Variants in SLC24A2 observed in about 807,000 individuals in gnomAD.
SLC24A2 encodes sodium/potassium/calcium exchanger 2.
Under a neutral mutation model 62.0 loss-of-function variants are expected in SLC24A2, and 36 were observed. The ratio of observed to expected loss-of-function variants is 0.58; its 90% CI spans 0.44 to 0.77. SLC24A2 has a LOEUF of 0.77. Among genes scored for constraint, SLC24A2 ranks in the 30% least tolerant of loss-of-function variants. The pLI is 0.00. For synonymous variants in SLC24A2, 358 were observed against 294.0 expected (o/e 1.22, Z -2.23); for missense variants, 846 against 817.9 (o/e 1.03, Z -0.42).
At chr9:19,795,643 TG>T in the SLC24A2 span, among the ~76,000 whole-genome samples, 1 of 152,186 alleles carries the variant, frequency 6.6e-6, no homozygotes, top group Non-Finnish European at 1.5e-5. Context: ...TTGATTTTTC[TG>T]ATTTTGATGT....
chr9:19,629,133 T>C (rs1191780781), intron 2 of SLC24A2, among the ~76,000 whole-genome samples: 9 of 152,158 alleles, frequency 5.9e-5, no homozygotes, highest in African/African-American at 2.2e-4. Context: ...CTGAAGCTGA[T>C]GGAGTTGGAC....
intron 2 of SLC24A2, among the ~76,000 whole-genome samples, chr9:19,756,814 C>G (rs1377912281): frequency 6.8e-6 from 1 of 146,636 alleles, no homozygotes; most frequent in East Asian, 2.1e-4. Flanking sequence ...AGCAAATGCT[C>G]AAGTTTAGGG....
the SLC24A2 span, among the ~76,000 whole-genome samples, chr9:19,816,486 A>C: frequency 6.6e-6 from 1 of 152,174 alleles, no homozygotes; most frequent in Non-Finnish European, 1.5e-5. Flanking sequence ...GTGGAAGGGG[A>C]CACATTAATT....
chr9:20,147,676 A>T, the SLC24A2 span, among the ~76,000 whole-genome samples: 1 of 152,090 alleles, frequency 6.6e-6, no homozygotes, highest in Admixed American at 6.6e-5. Context: ...AGAAGATCAC[A>T]TTGAGGCTTC....
chr9:19,534,699 T>A (rs1489469242), intron 8 of SLC24A2, among the ~76,000 whole-genome samples: 1 of 152,214 alleles, frequency 6.6e-6, no homozygotes, highest in Admixed American at 6.5e-5. Context: ...CATCCTTTTT[T>A]ATGGCTGCAT....
rs1044357532 is a variant in SLC24A2 at position 19,695,636 on chromosome 9, G to C, written c.931-73337C>G. The stretch of plus-strand genomic sequence containing the variant: ...GAGAAATTCTTGTACATGTCACTAG[G>C]AGAGATGCACAGATTATTCATAGCA... On this transcript the variant is annotated intron_variant, in intron 2 of 10. Coordinates refer to ENST00000341998, the MANE Select transcript of SLC24A2 (RefSeq NM_020344.4). Among the ~76,000 whole-genome samples, 4 of 136,574 alleles carry C rather than the reference G, an allele frequency of 2.9e-5. No individual in the cohort carries two copies. In the South Asian group the frequency reaches 9.1e-4, roughly 31 times the overall value. 89.6% of individuals were successfully genotyped at this position (136,574 alleles called of 152,430 possible). A position where few individuals can be genotyped will look rare whatever the true frequency, so the allele number is the denominator to read the frequency against.
At chr9:20,201,226 C>T in the SLC24A2 span, among the ~76,000 whole-genome samples, 2 of 152,222 alleles carry the variant, frequency 1.3e-5, no homozygotes, top group Non-Finnish European at 2.9e-5. Context: ...TTGCCCCAAA[C>T]TTCATCCCAT....
At chr9:20,164,697 T>A in the SLC24A2 span, among the ~76,000 whole-genome samples, 1 of 151,846 alleles carries the variant, frequency 6.6e-6, no homozygotes, top group Non-Finnish European at 1.5e-5. Flanking sequence ...ATGTTTATTG[T>A]GGCACTATTC....
At chr9:20,052,470 T>C in the SLC24A2 span, among the ~76,000 whole-genome samples, 58 of 152,336 alleles carry the variant, frequency 3.8e-4, no homozygotes, top group African/African-American at 1.4e-3. Flanking sequence ...TGTAAAACTG[T>C]ATTCTTTGAA....
At chr9:19,660,390 T>C (rs930515247) in intron 2 of SLC24A2, among the ~76,000 whole-genome samples, 15 of 152,168 alleles carry the variant, frequency 9.9e-5, no homozygotes, top group African/African-American at 1.9e-4. Flanking sequence ...CACAGGTCAG[T>C]TGTGATTCAG....
the SLC24A2 span, among the ~76,000 whole-genome samples, chr9:20,013,758 A>C: frequency 5.3e-5 from 8 of 152,216 alleles, no homozygotes; most frequent in Admixed American, 2.0e-4. Flanking sequence ...TGATTGAAAA[A>C]TGGGCAAAGG....
At chr9:19,956,324 G>A in the SLC24A2 span, among the ~76,000 whole-genome samples, 3 of 152,340 alleles carry the variant, frequency 2.0e-5, no homozygotes, top group East Asian at 3.9e-4. Flanking sequence ...GCATCAAGAA[G>A]CCTGGGTTTT....
chr9:19,527,944 C>T, intron 9 of SLC24A2, 105 bp downstream of exon 9: 1 of 753,992 alleles, frequency 1.3e-6, no homozygotes, highest in Non-Finnish European at 2.3e-6. Context: ...TGTGTCACAC[C>T]CAATACTGTT....
At chr9:19,962,657 C>G in the SLC24A2 span, among the ~76,000 whole-genome samples, 15 of 152,074 alleles carry the variant, frequency 9.9e-5, no homozygotes, top group African/African-American at 3.6e-4. Flanking sequence ...TGATTTGGCT[C>G]TCTGTCTGTT....
the SLC24A2 span, among the ~76,000 whole-genome samples, chr9:19,867,844 G>T: frequency 6.6e-6 from 1 of 152,096 alleles, no homozygotes; most frequent in South Asian, 2.1e-4. Flanking sequence ...GGAGGCGGAG[G>T]TTGCAGTGAG....
At chr9:20,217,960 CAGTCAACT>C in the SLC24A2 span, among the ~76,000 whole-genome samples, 1 of 152,162 alleles carries the variant, frequency 6.6e-6, no homozygotes, top group African/African-American at 2.4e-5. Flanking sequence ...TCAAAGAAAA[CAGTCAACT>C]AGTCATTAGA....
At chr9:19,975,466 T>C in the SLC24A2 span, among the ~76,000 whole-genome samples, 1 of 152,200 alleles carries the variant, frequency 6.6e-6, no homozygotes, top group Admixed American at 6.5e-5. Context: ...CAGATGGACC[T>C]GTGTCTGAGT....
intron 2 of SLC24A2, among the ~76,000 whole-genome samples, chr9:19,643,888 C>T (rs967462805): frequency 6.6e-6 from 1 of 152,318 alleles, no homozygotes; most frequent in East Asian, 1.9e-4. Flanking sequence ...AATTTTACAT[C>T]TTTGCTTCCT....
At chr9:19,767,359 C>T (rs1345775592) in intron 2 of SLC24A2, among the ~76,000 whole-genome samples, 2 of 152,228 alleles carry the variant, frequency 1.3e-5, no homozygotes, top group African/African-American at 4.8e-5. Flanking sequence ...AAACAAAAAA[C>T]TTCTGCAGCT....
Sources: gnomAD v4.1 joint callset for allele counts (sites outside exome capture counted in the v4.1 genomes callset) on GRCh38, gnomAD v4.1.1 for gene constraint, MANE v1.5 for transcripts, NCBI Gene and HGNC (gene_info 2026-07-23, HGNC 2026-07-21) for gene names.